Variants in DLG2 observed in about 807,000 individuals in gnomAD.
The protein encoded by DLG2 is discs large MAGUK scaffold protein 2, also known as disks large homolog 2.
Under a neutral mutation model 132.5 loss-of-function variants are expected in DLG2, and 45 were observed. The observed-to-expected ratio is 0.34, with a 90% CI of 0.27 to 0.44. The LOEUF is 0.44. Among genes scored for constraint, DLG2 ranks in the 20% least tolerant of loss-of-function variants. DLG2 has a pLI of 1.00. For missense variants in DLG2, 1,045 were observed against 1,196.9 expected (o/e 0.87, Z 1.87); for synonymous variants, 424 against 419.6 (o/e 1.01, Z -0.13).
chr11:84,521,683 AT>A (rs2099301386), intron 7 of DLG2, among the ~76,000 whole-genome samples: 1 of 152,204 alleles, frequency 6.6e-6, no homozygotes, highest in Admixed American at 6.5e-5. Context: ...CCATTTTCTA[AT>A]TCATATAAAT....
chr11:84,226,051 T>A (rs1203209960), intron 8 of DLG2, among the ~76,000 whole-genome samples: 1 of 152,220 alleles, frequency 6.6e-6, no homozygotes, highest in Non-Finnish European at 1.5e-5. Context: ...CCTCAAGTGA[T>A]CCGCCTGCCT....
At chr11:85,566,776 T>C in intron 3 of DLG2, among the ~76,000 whole-genome samples, 1 of 152,158 alleles carries the variant, frequency 6.6e-6, no homozygotes, top group East Asian at 1.9e-4. Context: ...TACATCTATG[T>C]TTCCTTCTAA....
At chr11:83,626,790 C>T (rs983598972) in intron 19 of DLG2, among the ~76,000 whole-genome samples, 2 of 152,142 alleles carry the variant, frequency 1.3e-5, no homozygotes, top group Non-Finnish European at 2.9e-5. Context: ...TATCATGTGG[C>T]TTCTACTGAA....
chr11:84,469,865 A>G (rs1169355524), intron 7 of DLG2, among the ~76,000 whole-genome samples: 1 of 151,668 alleles, frequency 6.6e-6, no homozygotes, highest in Non-Finnish European at 1.5e-5. Context: ...CATTCTAAGA[A>G]ATGTGTGTTA....
chr11:84,132,787 T>G (rs1011329596), intron 9 of DLG2, among the ~76,000 whole-genome samples: 3 of 151,954 alleles, frequency 2.0e-5, no homozygotes, highest in Admixed American at 1.3e-4. Context: ...TCTAACACAG[T>G]TTCTTTGAGG....
At chr11:83,830,337 C>A (rs553771014) in intron 17 of DLG2, among the ~76,000 whole-genome samples, 1 of 152,198 alleles carries the variant, frequency 6.6e-6, no homozygotes, top group Non-Finnish European at 1.5e-5. Flanking sequence ...GAAATACTTG[C>A]GAGTTTTCTT....
intron 19 of DLG2, among the ~76,000 whole-genome samples, chr11:83,589,659 A>G (rs1157659550): frequency 2.0e-5 from 3 of 149,430 alleles, no homozygotes; most frequent in Admixed American, 6.7e-5. Flanking sequence ...TTAAATGTAA[A>G]TGGACTAAAT....
intron 3 of DLG2, among the ~76,000 whole-genome samples, chr11:85,582,580 T>G (rs1039840107): frequency 2.1e-5 from 3 of 144,724 alleles, no homozygotes; most frequent in African/African-American, 7.6e-5. Context: ...TCCCAGTATT[T>G]TGGGAGGCCG....
intron 15 of DLG2, among the ~76,000 whole-genome samples, chr11:83,912,531 C>T (rs574605809): frequency 1.8e-4 from 28 of 152,142 alleles, no homozygotes; most frequent in Non-Finnish European, 3.5e-4. Context: ...GTGGCAGGAA[C>T]GATTTTAATG....
chr11:85,375,942 CAT>C (rs1170696803), intron 3 of DLG2, among the ~76,000 whole-genome samples: 1 of 152,094 alleles, frequency 6.6e-6, no homozygotes, highest in Non-Finnish European at 1.5e-5. Flanking sequence ...CAGGATGCCA[CAT>C]GTTAGAAAAT....
chr11:85,485,446 A>T (rs1436226126), intron 3 of DLG2, among the ~76,000 whole-genome samples: 1 of 152,248 alleles, frequency 6.6e-6, no homozygotes, highest in African/African-American at 2.4e-5. Flanking sequence ...ATCACTCATT[A>T]GAAGCAGCTA....
At chr11:85,346,312 C>A (rs1246933022) in intron 3 of DLG2, among the ~76,000 whole-genome samples, 4 of 151,762 alleles carry the variant, frequency 2.6e-5, no homozygotes, top group Non-Finnish European at 4.4e-5. Context: ...CTCAGCCTCC[C>A]GAGTAGCTGG....
At chr11:85,033,573 A>T (rs559123997) in intron 6 of DLG2, among the ~76,000 whole-genome samples, 7 of 152,294 alleles carry the variant, frequency 4.6e-5, no homozygotes, top group African/African-American at 1.7e-4. Context: ...CCTCAAACCC[A>T]GTGGCAAATG....
intron 18 of DLG2, among the ~76,000 whole-genome samples, chr11:83,735,209 A>C (rs1397735469): frequency 6.6e-6 from 1 of 152,200 alleles, no homozygotes; most frequent in African/African-American, 2.4e-5. Flanking sequence ...AAGGTAAATC[A>C]CTTGTAATTT....
At chr11:85,017,123 T>G (rs1592734620) in intron 6 of DLG2, among the ~76,000 whole-genome samples, 1 of 152,196 alleles carries the variant, frequency 6.6e-6, no homozygotes, top group East Asian at 1.9e-4. Flanking sequence ...TCTCTAGCCC[T>G]TTACTGGAAA....
At chr11:84,002,053 G>A (rs887923216) in intron 11 of DLG2, among the ~76,000 whole-genome samples, 1 of 151,938 alleles carries the variant, frequency 6.6e-6, no homozygotes, top group African/African-American at 2.4e-5. Context: ...CCGAAATAGA[G>A]AAATAATAAA....
chr11:83,571,270 C>A (rs147021689), intron 19 of DLG2, among the ~76,000 whole-genome samples: 232 of 151,708 alleles, frequency 1.5e-3, no homozygotes, highest in Admixed American at 4.5e-3. Context: ...AGCAATTTAA[C>A]AAATGTTTAT....
intron 3 of DLG2, among the ~76,000 whole-genome samples, chr11:85,340,574 C>T (rs192365109): frequency 1.3e-5 from 2 of 152,318 alleles, no homozygotes; most frequent in Admixed American, 1.3e-4. Context: ...ACCAACATGG[C>T]ACATGTATAC....
chr11:84,689,175 G>A (rs1255285437), intron 6 of DLG2, among the ~76,000 whole-genome samples: 2 of 152,088 alleles, frequency 1.3e-5, no homozygotes, highest in Non-Finnish European at 2.9e-5. Flanking sequence ...AAGAAAATCT[G>A]TATATTGTTC....
Sources: gnomAD v4.1 joint callset for allele counts (sites outside exome capture counted in the v4.1 genomes callset) on GRCh38, gnomAD v4.1.1 for gene constraint, MANE v1.5 for transcripts, NCBI Gene and HGNC (gene_info 2026-07-23, HGNC 2026-07-21) for gene names.